Variants in GTF2IRD1 observed in about 807,000 individuals in gnomAD.
The protein encoded by GTF2IRD1 is GTF2I repeat domain containing 1, also known as general transcription factor II-I repeat domain-containing protein 1.
In GTF2IRD1, 26 loss-of-function variants were observed where a neutral mutation model predicts 113.2. That is an observed-to-expected ratio of 0.23 (90% confidence interval 0.17 to 0.32). GTF2IRD1 has a LOEUF of 0.32. GTF2IRD1 is among the 10% of genes least tolerant of loss of function. The pLI, the probability that GTF2IRD1 is intolerant of heterozygous loss-of-function variation, is 1.00. For missense variants in GTF2IRD1, 864 were observed against 1,280.8 expected (o/e 0.67, Z 4.97); for synonymous variants, 484 against 529.1 (o/e 0.91, Z 1.17).
At chr7:74,468,957 C>T (rs1254959697) in intron 1 of GTF2IRD1, among the ~76,000 whole-genome samples, 13 of 150,520 alleles carry the variant, frequency 8.6e-5, no homozygotes, top group African/African-American at 3.2e-4. Context: ...TGATGGTGGG[C>T]GCCTGTAGTC....
At chr7:74,516,648 T>C (rs78953774) in intron 4 of GTF2IRD1, among the ~76,000 whole-genome samples, 5 of 152,368 alleles carry the variant, frequency 3.3e-5, no homozygotes, top group Non-Finnish European at 5.9e-5. Context: ...GCTGTTCTTA[T>C]GTCAGAAGGA....
At chr7:74,543,163 A>T (rs1798725304) in intron 14 of GTF2IRD1, among the ~76,000 whole-genome samples, 1 of 152,170 alleles carries the variant, frequency 6.6e-6, no homozygotes, top group Admixed American at 6.5e-5. Context: ...TTAGCTGGGC[A>T]TGGTGGTGCG....
chr7:74,551,488 C>T (rs587636164), intron 17 of GTF2IRD1, among the ~76,000 whole-genome samples: 8 of 152,306 alleles, frequency 5.3e-5, no homozygotes, highest in African/African-American at 1.9e-4. Context: ...CCGATGTCAC[C>T]CAGACAAAAT....
chr7:74,560,570 A>T (rs1260913906), intron 22 of GTF2IRD1, among the ~76,000 whole-genome samples: 3 of 147,632 alleles, frequency 2.0e-5, no homozygotes, highest in African/African-American at 4.9e-5. Context: ...TATATAATAA[A>T]AAATATTATA....
At chr7:74,539,126 G>C (rs1157538546) in intron 13 of GTF2IRD1, among the ~76,000 whole-genome samples, 12 of 152,170 alleles carry the variant, frequency 7.9e-5, no homozygotes, top group Non-Finnish European at 1.8e-4. Flanking sequence ...TTGGGCGCTG[G>C]AGCCTCAGTA....
chr7:74,576,493 G>A (rs868975422), intron 22 of GTF2IRD1, among the ~76,000 whole-genome samples: 2 of 149,728 alleles, frequency 1.3e-5, no homozygotes, highest in Admixed American at 6.6e-5. Context: ...CCCAGGAGGC[G>A]GAGTTTGCAG....
In GTF2IRD1 at chr7:74,561,896, C is replaced by T. The variant is rs1473833392; in HGVS notation, c.2320+2241C>T. 8.5e-5 allele frequency among the ~76,000 whole-genome samples: 13 copies of T among 152,186 alleles called. No homozygotes were observed. In the South Asian group the frequency reaches 1.7e-3, roughly 19 times the overall value. ...CCTTACAGAGGGGGAGACTGAGGCT[C>T]GGTGTGAGTGATGTGTTAATACTCT... On this transcript the variant is annotated intron_variant, in intron 22 of 26. Coordinates refer to ENST00000424337, the MANE Select transcript of GTF2IRD1 (RefSeq NM_005685.4).
At chr7:74,570,876 G>A (rs1554362474) in intron 22 of GTF2IRD1, among the ~76,000 whole-genome samples, 1 of 152,030 alleles carries the variant, frequency 6.6e-6, no homozygotes, top group Non-Finnish European at 1.5e-5. Flanking sequence ...AACCAAGGAG[G>A]GGCCCCTCTA....
intron 1 of GTF2IRD1, among the ~76,000 whole-genome samples, chr7:74,475,391 A>G (rs1554333347): frequency 6.6e-6 from 1 of 152,208 alleles, no homozygotes; most frequent in African/African-American, 2.4e-5. Flanking sequence ...ACTGGGGCCC[A>G]GAGAGGGGAA....
chr7:74,537,995 TG>T, intron 11 of GTF2IRD1, 140 bp from the exon 12 acceptor site: 2 of 737,106 alleles, frequency 2.7e-6, no homozygotes, highest in Non-Finnish European at 4.9e-6. Context: ...AGCACCATCC[TG>T]GAGGGCCAGG....
At chr7:74,569,471 G>A (rs1554361930) in intron 22 of GTF2IRD1, among the ~76,000 whole-genome samples, 1 of 152,200 alleles carries the variant, frequency 6.6e-6, no homozygotes, top group Non-Finnish European at 1.5e-5. Flanking sequence ...GTTGTGCAGT[G>A]AGGGGGGGAT....
chr7:74,573,598 G>A (rs1401573464), intron 22 of GTF2IRD1, among the ~76,000 whole-genome samples: 1 of 152,172 alleles, frequency 6.6e-6, no homozygotes, highest in Admixed American at 6.6e-5. Context: ...TCAGCACCGA[G>A]GGGTCGCCAG....
At chr7:74,471,690 C>CAAAAAAAA (rs1195034410) in intron 1 of GTF2IRD1, among the ~76,000 whole-genome samples, 1 of 40,352 alleles carries the variant, frequency 2.5e-5, no homozygotes. Context: ...AAAAAAAAAA[C>CAAAAAAAA]AAAAAAAAAA....
chr7:74,568,477 T>C (rs1194734421), intron 22 of GTF2IRD1, among the ~76,000 whole-genome samples: 14 of 151,442 alleles, frequency 9.2e-5, no homozygotes, highest in Admixed American at 9.2e-4. Context: ...TGAAACCCCG[T>C]CTCTACTAAA....
intron 14 of GTF2IRD1, among the ~76,000 whole-genome samples, chr7:74,543,345 C>T (rs1798735197): frequency 6.6e-6 from 1 of 152,058 alleles, no homozygotes; most frequent in African/African-American, 2.4e-5. Context: ...ATGGTAGTCA[C>T]ATCTGTAATC....
intron 22 of GTF2IRD1, among the ~76,000 whole-genome samples, chr7:74,584,865 G>T (rs1188413071): frequency 6.6e-6 from 1 of 152,048 alleles, no homozygotes; most frequent in Non-Finnish European, 1.5e-5. Flanking sequence ...ACGATGGCGC[G>T]ATCTTGGCTC....
chr7:74,581,265 A>G (rs1336228007), intron 22 of GTF2IRD1, among the ~76,000 whole-genome samples: 1 of 152,108 alleles, frequency 6.6e-6, no homozygotes, highest in Non-Finnish European at 1.5e-5. Flanking sequence ...CAGCTGATCC[A>G]CCCACATTGG....
chr7:74,558,414 C>T (rs1799748512), intron 20 of GTF2IRD1, among the ~76,000 whole-genome samples: 1 of 112,900 alleles, frequency 8.9e-6, no homozygotes, highest in Non-Finnish European at 1.6e-5. Flanking sequence ...TGCTGGAGTA[C>T]AGTGGCGTGA....
At chr7:74,577,973 C>T (rs1272671602) in intron 22 of GTF2IRD1, among the ~76,000 whole-genome samples, 1 of 151,992 alleles carries the variant, frequency 6.6e-6, no homozygotes, top group Non-Finnish European at 1.5e-5. Flanking sequence ...GTACCAGCTA[C>T]TTTTAAATTT....
Sources: allele counts gnomAD v4.1 joint callset (sites outside exome capture counted in the v4.1 genomes callset), GRCh38; gene constraint gnomAD v4.1.1; transcripts MANE v1.5; gene names NCBI Gene and HGNC (gene_info 2026-07-23, HGNC 2026-07-21).